CREG1: variants seen among roughly 807,000 people sequenced by gnomAD.
The protein encoded by CREG1 is protein CREG1.
In CREG1, 20 loss-of-function variants were observed where a neutral mutation model predicts 19.9. The ratio of observed to expected loss-of-function variants is 1.01; its 90% CI spans 0.71 to 1.46. The LOEUF (loss-of-function observed/expected upper bound fraction) is 1.46, where lower values mean the gene tolerates loss of function less well. CREG1 is among the 40% of genes most tolerant of loss of function. The pLI is 0.00. For missense variants in CREG1, 290 were observed against 314.9 expected, an observed-to-expected ratio of 0.92 and a Z score of 0.60; for synonymous variants, 141 against 143.3, an observed-to-expected ratio of 0.98 and a Z score of 0.12.
In CREG1 at chr1:167,542,347, C is replaced by A; in HGVS notation, c.660-46G>T. The A allele has an allele frequency of 1.9e-6, 3 of 1,562,376 alleles. 1 individual carries two copies. In the South Asian group the frequency reaches 3.6e-5, roughly 19 times the overall value. ...GAATTATTTTGTTAAACTGGGTTAA[C>A]AAATCTTAAAAATTAATTCATTCTA... On this transcript the variant is annotated intron_variant, in intron 3 of 3. Coordinates refer to ENST00000370509, the MANE Select transcript of CREG1 (RefSeq NM_003851.3).
intron 3 of CREG1, among the ~76,000 whole-genome samples, chr1:167,543,318 T>G (rs1324522922): frequency 6.6e-6 from 1 of 152,058 alleles, no homozygotes; most frequent in Non-Finnish European, 1.5e-5. Context: ...AGCCTTCCAC[T>G]GATCATGCAA....
At chr1:167,552,339 C>T (rs1180480225) in intron 1 of CREG1, among the ~76,000 whole-genome samples, 3 of 152,226 alleles carry the variant, frequency 2.0e-5, no homozygotes, top group African/African-American at 7.2e-5. Flanking sequence ...CAATGTTGTA[C>T]TTTCAGAGTT....
Position 167,553,611 on chromosome 1 carries a change from G to A in CREG1, c.131C>T (p.Ser44Phe). ...GRDHGDWDEA[S>F]RLPPLPPRED... ...GCGGGGTGGTAGCGGCGGCAGCCGGGAGGCCTCGTCCCAGTCCCCGTGGTC... is the reference window on the plus strand; with the variant it reads ...GCGGGGTGGTAGCGGCGGCAGCCGGAAGGCCTCGTCCCAGTCCCCGTGGTC... The change falls in exon 1 of 4, where the codon TCC (serine) becomes TTC (phenylalanine). Residue 44 changes from serine to phenylalanine, a missense_variant. By Grantham distance (155) the Ser-to-Phe change is radical. Transcript: ENST00000370509. 1.4e-6 allele frequency: 2 copies of A among 1,410,358 alleles called. No homozygotes were observed. Among genetic ancestry groups the A allele is most frequent in the Non-Finnish European group, 1.8e-6 (2 of 1,086,964 alleles). 87.4% of individuals were successfully genotyped at this position (1,410,358 alleles called of 1,614,324 possible). A position where few individuals can be genotyped will look rare whatever the true frequency, so the allele number is the denominator to read the frequency against.
chr1:167,550,831 G>A (rs1162934330), intron 1 of CREG1, among the ~76,000 whole-genome samples: 1 of 152,094 alleles, frequency 6.6e-6, no homozygotes, highest in Admixed American at 6.6e-5. Context: ...TGTATACAAC[G>A]AGAGTGTATA....
intron 2 of CREG1, among the ~76,000 whole-genome samples, 157 bp downstream of exon 2, chr1:167,547,845 C>G (rs1478629783): frequency 1.3e-5 from 2 of 151,812 alleles, no homozygotes; most frequent in Admixed American, 6.6e-5. Context: ...CGCTTGAACC[C>G]AGGAGGCAGA....
intron 1 of CREG1, among the ~76,000 whole-genome samples, chr1:167,550,241 G>A (rs947199611): frequency 2.9e-4 from 44 of 152,030 alleles, no homozygotes; most frequent in Non-Finnish European, 1.2e-4. Flanking sequence ...CGCTCACCTC[G>A]ACCTCCCAAA....
intron 1 of CREG1, among the ~76,000 whole-genome samples, chr1:167,548,930 G>A (rs1401659750): frequency 2.0e-5 from 3 of 152,176 alleles, no homozygotes; most frequent in African/African-American, 7.2e-5. Flanking sequence ...CAAAGAAGGG[G>A]AGGGGGACAC....
intron 3 of CREG1, among the ~76,000 whole-genome samples, chr1:167,544,699 T>C (rs1285014141): frequency 2.0e-5 from 3 of 152,174 alleles, no homozygotes; most frequent in African/African-American, 7.2e-5. Context: ...TTAGGCCAGT[T>C]TGTTCTCTGT....
At chr1:167,551,810 T>C (rs1441716087) in intron 1 of CREG1, among the ~76,000 whole-genome samples, 1 of 152,066 alleles carries the variant, frequency 6.6e-6, no homozygotes, top group African/African-American at 2.4e-5. Context: ...TGGAGTGGAG[T>C]GAGTTTGTTT....
intron 1 of CREG1, 91 bp downstream of exon 1, chr1:167,553,297 C>T (rs1656454689): frequency 9.4e-7 from 1 of 1,062,306 alleles, no homozygotes; most frequent in Non-Finnish European, 1.2e-6. Context: ...CCACGCTCCA[C>T]TTCCCGGGAA....
chr1:167,548,234 C>T lies in CREG1; in HGVS notation c.355-113G>A. The T allele has an allele frequency of 4.1e-6, 3 of 728,528 alleles. No individual in the cohort carries two copies. In the South Asian group the frequency reaches 7.6e-5, roughly 18 times the overall value. 45.1% of individuals were successfully genotyped at this position (728,528 alleles called of 1,614,324 possible). A position where few individuals can be genotyped will look rare whatever the true frequency, so the allele number is the denominator to read the frequency against. ...AGAGCTTGACTGGTCTTCCACGAAA[C>T]AATGAATCATAAAACATCACCTTCC... On this transcript the variant is annotated intron_variant, in intron 1 of 3. Transcript: ENST00000370509.
chr1:167,550,279 G>A (rs903068479), intron 1 of CREG1, among the ~76,000 whole-genome samples: 5 of 152,072 alleles, frequency 3.3e-5, no homozygotes, highest in East Asian at 1.9e-4. Context: ...TGGAGCCTCC[G>A]CACCCGCCTC....
At chr1:167,549,427 C>T (rs1656385266) in intron 1 of CREG1, among the ~76,000 whole-genome samples, 1 of 151,266 alleles carries the variant, frequency 6.6e-6, no homozygotes. Context: ...CTCTGTCACC[C>T]AGGCTGGAGT....
At position 167,553,661 on chromosome 1, in the gene CREG1, C is replaced by T. The variant is rs1426099215; in HGVS notation, c.81G>A (p.Ser27=). 7.5e-7 allele frequency: 1 copy of T among 1,339,864 alleles called. No individual in the cohort carries two copies. Among genetic ancestry groups the T allele is most frequent in the Non-Finnish European group, 9.5e-7 (1 of 1,051,266 alleles). The allele number at this position is 1,339,864 out of a possible 1,614,324, so 83.0% of individuals were successfully genotyped here. A position where few individuals can be genotyped will look rare whatever the true frequency, so the allele number is the denominator to read the frequency against. Residue 27 remains serine, a synonymous_variant, in exon 1 of 4, where the codon TCG becomes TCA. Coordinates refer to ENST00000370509, the MANE Select transcript of CREG1 (RefSeq NM_003851.3). Reference sequence around the variant, plus strand: ...CCCGGCCGCCGCGACCCCGCGCGGGCGACACGAGCAGCGCCAACAGCGTCG... The same window carrying T: ...CCCGGCCGCCGCGACCCCGCGCGGGTGACACGAGCAGCGCCAACAGCGTCG... The part of the protein sequence containing the change: ...LASTLLALLV[S]PARGRGGRDH...
intron 3 of CREG1, among the ~76,000 whole-genome samples, chr1:167,545,464 A>G (rs1656300678): frequency 6.6e-6 from 1 of 152,236 alleles, no homozygotes; most frequent in East Asian, 1.9e-4. Context: ...GAAATCACAG[A>G]TACGTTCATA....
intron 3 of CREG1, among the ~76,000 whole-genome samples, chr1:167,545,338 A>T (rs12035288): frequency 0.068 from 10,303 of 151,582 alleles, 444 homozygotes; most frequent in Middle Eastern, 0.13. Flanking sequence ...GCTCAAAAAA[A>T]TTTTTTTTTC....
Position 167,548,186 on chromosome 1 carries a change from A to G in CREG1, c.355-65T>C. ...GTTTCTGGAGAGGTAATAAATTTCAAAAGTTGCATACATGATGTCCCTAGA... is the reference window on the plus strand; with the variant it reads ...GTTTCTGGAGAGGTAATAAATTTCAGAAGTTGCATACATGATGTCCCTAGA... On this transcript the variant is annotated intron_variant, in intron 1 of 3. Coordinates refer to ENST00000370509, the MANE Select transcript of CREG1 (RefSeq NM_003851.3). 16 of 1,368,974 alleles carry G rather than the reference A, an allele frequency of 1.2e-5. No individual in the cohort carries two copies. The South Asian group carries it at 2.0e-4, about 17-fold the overall frequency. 84.8% of individuals were successfully genotyped at this position (1,368,974 alleles called of 1,614,324 possible). A position where few individuals can be genotyped will look rare whatever the true frequency, so the allele number is the denominator to read the frequency against.
chr1:167,542,374 G>GAAT, intron 3 of CREG1, 73 bp from the exon 4 acceptor site: 1 of 1,390,938 alleles, frequency 7.2e-7, no homozygotes, highest in South Asian at 1.3e-5. Context: ...TTCATTCTAG[G>GAAT]GAAGGACTAG....
At chr1:167,545,059 A>G (rs1656293915) in intron 3 of CREG1, among the ~76,000 whole-genome samples, 1 of 151,890 alleles carries the variant, frequency 6.6e-6, no homozygotes, top group South Asian at 2.1e-4. Flanking sequence ...CTTTTATCTC[A>G]GCCTCCTCCC....
Sources: allele counts gnomAD v4.1 joint callset (sites outside exome capture counted in the v4.1 genomes callset), GRCh38; gene constraint gnomAD v4.1.1; transcripts MANE v1.5; gene names NCBI Gene and HGNC (gene_info 2026-07-23, HGNC 2026-07-21).